RIT2: variants seen among roughly 807,000 people sequenced by gnomAD.
The protein encoded by RIT2 is GTP-binding protein Rit2.
A neutral mutation model predicts 23.7 loss-of-function variants in RIT2; 24 were observed. The observed-to-expected ratio is 1.01, with a 90% CI of 0.73 to 1.43. RIT2 has a LOEUF of 1.43. Among genes scored for constraint, RIT2 ranks in the 40% most tolerant of loss-of-function variants. The pLI is 0.00. For synonymous variants in RIT2, 107 were observed against 91.1 expected (o/e 1.17, Z -0.99); for missense variants, 236 against 266.9 (o/e 0.88, Z 0.81).
intron 3 of RIT2, among the ~76,000 whole-genome samples, chr18:42,935,356 G>C (rs531042233): frequency 3.9e-4 from 59 of 152,248 alleles, no homozygotes; most frequent in Non-Finnish European, 6.3e-4. Context: ...AATGTGCTAA[G>C]GGAATCCCCT....
At chr18:42,765,185 A>G (rs1419050233) in intron 4 of RIT2, among the ~76,000 whole-genome samples, 1 of 152,248 alleles carries the variant, frequency 6.6e-6, no homozygotes, top group East Asian at 1.9e-4. Flanking sequence ...TAAGAAAAAA[A>G]TATTTTAAGA....
chr18:42,945,662 G>T (rs1305779027), intron 3 of RIT2, among the ~76,000 whole-genome samples: 4 of 152,058 alleles, frequency 2.6e-5, no homozygotes, highest in African/African-American at 2.4e-5. Context: ...TTTGTACTGG[G>T]TGTGGTCTTT....
intron 4 of RIT2, among the ~76,000 whole-genome samples, chr18:42,870,348 C>T (rs1215946349): frequency 2.0e-5 from 3 of 152,244 alleles, no homozygotes; most frequent in East Asian, 3.9e-4. Flanking sequence ...TCAAGCGATT[C>T]TCCTGCCTCA....
intron 4 of RIT2, among the ~76,000 whole-genome samples, chr18:42,780,047 G>GATTT (rs1913770815): frequency 3.4e-5 from 2 of 59,568 alleles, no homozygotes; most frequent in Non-Finnish European, 6.1e-5. Flanking sequence ...CAATTTAGAG[G>GATTT]TTTTTTTTTT....
intron 4 of RIT2, among the ~76,000 whole-genome samples, chr18:42,875,479 C>A (rs1239295936): frequency 6.6e-6 from 1 of 151,864 alleles, no homozygotes; most frequent in Non-Finnish European, 1.5e-5. Flanking sequence ...TTTTATTTCT[C>A]CATGACTAGC....
At chr18:42,746,191 T>C (rs1315504173) in intron 4 of RIT2, among the ~76,000 whole-genome samples, 4 of 152,082 alleles carry the variant, frequency 2.6e-5, no homozygotes, top group Non-Finnish European at 4.4e-5. Flanking sequence ...ATATCCCAAA[T>C]GACACATGGA....
chr18:43,012,128 C>T (rs1217655082), intron 2 of RIT2, among the ~76,000 whole-genome samples: 1 of 151,744 alleles, frequency 6.6e-6, no homozygotes, highest in East Asian at 1.9e-4. Context: ...TAATACAATT[C>T]AAGTTTCTTT....
intron 4 of RIT2, among the ~76,000 whole-genome samples, chr18:42,872,930 A>G (rs1907656434): frequency 6.6e-6 from 1 of 152,196 alleles, no homozygotes; most frequent in African/African-American, 2.4e-5. Flanking sequence ...TTTGTAGTGT[A>G]CTATAGATGT....
At position 42,772,430 on chromosome 18, in the gene RIT2, C is replaced by G. The variant is rs144888673; in HGVS notation, c.427-28710G>C. Among the ~76,000 whole-genome samples, 477 of 152,240 alleles carry G rather than the reference C, an allele frequency of 3.1e-3. 3 individuals carry two copies. The highest frequency in any genetic ancestry group is 0.018 in the South Asian group (85 of 4,822). ...TTTATTAAGAATTCCCTCAGCAGTG[C>G]CTTCAACCCTCCAACCTTTTGTTCT... is the stretch of plus-strand genomic sequence containing the variant. On this transcript the variant is annotated intron_variant, in intron 4 of 4. Coordinates refer to ENST00000326695, the MANE Select transcript of RIT2 (RefSeq NM_002930.4).
At chr18:43,019,116 T>C (rs1197491771) in intron 2 of RIT2, among the ~76,000 whole-genome samples, 3 of 151,950 alleles carry the variant, frequency 2.0e-5, no homozygotes, top group African/African-American at 7.2e-5. Context: ...TAGATTTTTT[T>C]AAATGATGCA....
At chr18:43,030,762 T>A (rs1911834939) in intron 2 of RIT2, among the ~76,000 whole-genome samples, 1 of 152,004 alleles carries the variant, frequency 6.6e-6, no homozygotes, top group Admixed American at 6.6e-5. Flanking sequence ...TTTAAATAGG[T>A]ATCATGAATT....
Position 42,940,437 on chromosome 18 carries a change from C to A in RIT2, c.235-16674G>T, listed in dbSNP as rs530449652. Among the ~76,000 whole-genome samples, 226 of 150,832 alleles carry A rather than the reference C, an allele frequency of 1.5e-3. 1 individual carries two copies. Among genetic ancestry groups the A allele is most frequent in the Admixed American group, 3.1e-3 (47 of 15,090 alleles). On this transcript the variant is annotated intron_variant, in intron 3 of 4. Coordinates refer to ENST00000326695, the MANE Select transcript of RIT2 (RefSeq NM_002930.4). ...CATATATAGACACACACACACATTACACACCCTCTCTTCACAGGGGCACTG... is the reference window on the plus strand; with the variant it reads ...CATATATAGACACACACACACATTAAACACCCTCTCTTCACAGGGGCACTG...
At chr18:42,849,114 C>T (rs1374758828) in intron 4 of RIT2, among the ~76,000 whole-genome samples, 2 of 152,190 alleles carry the variant, frequency 1.3e-5, no homozygotes, top group Non-Finnish European at 2.9e-5. Flanking sequence ...TCTATAGTCA[C>T]ATAGCCACAG....
chr18:43,112,290 C>T (rs191441778), intron 1 of RIT2, among the ~76,000 whole-genome samples: 17 of 152,178 alleles, frequency 1.1e-4, no homozygotes, highest in African/African-American at 4.1e-4. Flanking sequence ...ATTTTTCTGA[C>T]CTCTGTTTTT....
chr18:42,842,601 T>G (rs1158627790), intron 4 of RIT2, among the ~76,000 whole-genome samples: 3 of 152,272 alleles, frequency 2.0e-5, no homozygotes, highest in South Asian at 4.1e-4. Context: ...GACACTAATT[T>G]ATGTCTTCCT....
chr18:42,759,170 TA>T (rs146353261), intron 4 of RIT2, among the ~76,000 whole-genome samples: 261 of 152,272 alleles, frequency 1.7e-3, no homozygotes, highest in Middle Eastern at 6.8e-3. Flanking sequence ...GCAATAAGCT[TA>T]AGGGTCATCT....
chr18:42,803,359 A>G (rs1487631948), intron 4 of RIT2, among the ~76,000 whole-genome samples: 1 of 152,160 alleles, frequency 6.6e-6, no homozygotes, highest in African/African-American at 2.4e-5. Context: ...TATTCTGACC[A>G]CTTAGAGATC....
intron 4 of RIT2, among the ~76,000 whole-genome samples, chr18:42,811,489 ATCTG>A (rs1261871283): frequency 6.6e-6 from 1 of 152,152 alleles, no homozygotes; most frequent in Non-Finnish European, 1.5e-5. Context: ...GATTGTAAAG[ATCTG>A]ACAAGAGTTC....
At chr18:42,815,255 CAGAT>C (rs1905962600) in intron 4 of RIT2, among the ~76,000 whole-genome samples, 2 of 152,056 alleles carry the variant, frequency 1.3e-5, no homozygotes, top group African/African-American at 4.8e-5. Flanking sequence ...TTCAATGAAA[CAGAT>C]AGCATCAATA....
Sources: gnomAD v4.1 joint callset for allele counts (sites outside exome capture counted in the v4.1 genomes callset) on GRCh38, gnomAD v4.1.1 for gene constraint, MANE v1.5 for transcripts, NCBI Gene and HGNC (gene_info 2026-07-23, HGNC 2026-07-21) for gene names.